GALNT13: variants seen among roughly 807,000 people sequenced by gnomAD.
GALNT13 encodes polypeptide N-acetylgalactosaminyltransferase 13.
Under a neutral mutation model 64.2 loss-of-function variants are expected in GALNT13, and 28 were observed. The ratio of observed to expected loss-of-function variants is 0.44; its 90% CI spans 0.32 to 0.60. GALNT13 has a LOEUF of 0.60. Ranked by LOEUF, GALNT13 falls within the 20% of genes least tolerant of loss-of-function variation. The pLI, the probability that GALNT13 is intolerant of heterozygous loss-of-function variation, is 0.05. For synonymous variants in GALNT13, 214 were observed against 224.6 expected, an observed-to-expected ratio of 0.95 and a Z score of 0.42; for missense variants, 577 against 669.8, an observed-to-expected ratio of 0.86 and a Z score of 1.53.
chr2:153,149,314 C>T, the GALNT13 span, among the ~76,000 whole-genome samples: 2 of 151,784 alleles, frequency 1.3e-5, no homozygotes, highest in Non-Finnish European at 2.9e-5. Flanking sequence ...ATCTATTTGA[C>T]TCCAAAGCCC....
At chr2:153,695,815 T>C in the GALNT13 span, among the ~76,000 whole-genome samples, 1 of 152,122 alleles carries the variant, frequency 6.6e-6, no homozygotes, top group African/African-American at 2.4e-5. Flanking sequence ...TTTACAAGAG[T>C]TAACTGTATG....
the GALNT13 span, among the ~76,000 whole-genome samples, chr2:153,837,250 G>A: frequency 2.0e-5 from 3 of 152,212 alleles, 1 homozygote; most frequent in South Asian, 6.2e-4. Flanking sequence ...GCATTTCTCT[G>A]ATGGCCAGTG....
chr2:154,049,464 T>C (rs1699465103), intron 3 of GALNT13, among the ~76,000 whole-genome samples: 1 of 146,568 alleles, frequency 6.8e-6, no homozygotes, highest in Non-Finnish European at 1.5e-5. Context: ...TATATAATGG[T>C]ATATATATAT....
chr2:153,825,608 C>CTGTGTT, the GALNT13 span, among the ~76,000 whole-genome samples: 2 of 134,776 alleles, frequency 1.5e-5, no homozygotes, highest in Admixed American at 7.5e-5. Flanking sequence ...TCCATGAGTG[C>CTGTGTT]TGTGTGTGTG....
At chr2:153,504,420 C>G in the GALNT13 span, among the ~76,000 whole-genome samples, 1 of 152,134 alleles carries the variant, frequency 6.6e-6, no homozygotes, top group African/African-American at 2.4e-5. Context: ...CCAGTACTAT[C>G]TTGAATAGAA....
intron 11 of GALNT13, chr2:154,436,631 T>C (rs962089995): frequency 2.0e-5 from 3 of 152,226 alleles, no homozygotes; most frequent in Admixed American, 6.5e-5. Flanking sequence ...TAAATAAGTT[T>C]GTAATTGTGT....
At chr2:153,751,913 T>TCTTC in the GALNT13 span, among the ~76,000 whole-genome samples, 1 of 151,826 alleles carries the variant, frequency 6.6e-6, no homozygotes, top group African/African-American at 2.4e-5. Flanking sequence ...TTTCTTTCTT[T>TCTTC]CCTTCCTGTC....
the GALNT13 span, among the ~76,000 whole-genome samples, chr2:153,345,637 T>C: frequency 0.029 from 1,880 of 65,444 alleles, 26 homozygotes; most frequent in South Asian, 0.05. Flanking sequence ...TCCTTTCTTT[T>C]TCTTTCTTTC....
chr2:153,997,419 G>C (rs1396847227), intron 3 of GALNT13, among the ~76,000 whole-genome samples: 1 of 151,826 alleles, frequency 6.6e-6, no homozygotes, highest in Non-Finnish European at 1.5e-5. Flanking sequence ...TATTCTTAGG[G>C]GGATATTTTT....
chr2:153,773,918 T>C, the GALNT13 span, among the ~76,000 whole-genome samples: 1 of 152,148 alleles, frequency 6.6e-6, no homozygotes, highest in Non-Finnish European at 1.5e-5. Context: ...ATCTTAACTC[T>C]ACCTGCAAAT....
intron 2 of GALNT13, among the ~76,000 whole-genome samples, chr2:153,930,089 T>A (rs1017992839): frequency 6.6e-6 from 1 of 152,202 alleles, no homozygotes; most frequent in African/African-American, 2.4e-5. Context: ...ATTTCTCTAA[T>A]TATTAGTGAC....
the GALNT13 span, among the ~76,000 whole-genome samples, chr2:153,631,232 C>T: frequency 2.0e-5 from 3 of 152,140 alleles, no homozygotes; most frequent in African/African-American, 4.8e-5. Flanking sequence ...TGTGTTGGTT[C>T]CAAGTCTTTG....
chr2:153,176,328 T>C, the GALNT13 span, among the ~76,000 whole-genome samples: 6 of 152,118 alleles, frequency 3.9e-5, no homozygotes, highest in African/African-American at 1.2e-4. Flanking sequence ...ATACACATTG[T>C]CTAGCATACA....
At chr2:153,544,572 C>T in the GALNT13 span, among the ~76,000 whole-genome samples, 7 of 152,164 alleles carry the variant, frequency 4.6e-5, no homozygotes, top group African/African-American at 1.7e-4. Flanking sequence ...AGATCACTTA[C>T]AAAATGATCT....
the GALNT13 span, among the ~76,000 whole-genome samples, chr2:153,342,179 A>G: frequency 5.3e-5 from 8 of 152,214 alleles, no homozygotes; most frequent in Non-Finnish European, 1.0e-4. Flanking sequence ...TTGCCTCTAG[A>G]TAATGCTAGG....
At chr2:153,137,261 A>G in the GALNT13 span, among the ~76,000 whole-genome samples, 1 of 152,142 alleles carries the variant, frequency 6.6e-6, no homozygotes, top group East Asian at 1.9e-4. Context: ...CTTTGATCTT[A>G]AGTTTCAAAA....
At chr2:153,966,403 T>C (rs1042887616) in intron 3 of GALNT13, among the ~76,000 whole-genome samples, 2 of 151,692 alleles carry the variant, frequency 1.3e-5, no homozygotes, top group Non-Finnish European at 2.9e-5. Context: ...TCTTGCACTG[T>C]CGCCTAGGCT....
At chr2:153,737,393 T>TC in the GALNT13 span, among the ~76,000 whole-genome samples, 1 of 152,164 alleles carries the variant, frequency 6.6e-6, no homozygotes, top group Non-Finnish European at 1.5e-5. Flanking sequence ...TGGTTTTTTT[T>TC]CAATGTTTTT....
chr2:153,967,426 G>A (rs13420045), intron 3 of GALNT13, among the ~76,000 whole-genome samples: 31,045 of 152,022 alleles, frequency 0.2, 4,086 homozygotes, highest in Middle Eastern at 0.33. Context: ...TAAGCTTGTC[G>A]TCACTGCAGC....
Sources: allele counts gnomAD v4.1 joint callset (sites outside exome capture counted in the v4.1 genomes callset), GRCh38; gene constraint gnomAD v4.1.1; transcripts MANE v1.5; gene names NCBI Gene and HGNC (gene_info 2026-07-23, HGNC 2026-07-21).